Variants in CNTN3 observed in about 807,000 individuals in gnomAD.
CNTN3 encodes the protein contactin-3.
A neutral mutation model predicts 119.1 loss-of-function variants in CNTN3; 60 were observed. The observed-to-expected ratio is 0.50, with a 90% CI of 0.41 to 0.62. The LOEUF (loss-of-function observed/expected upper bound fraction) is 0.62, where lower values mean the gene tolerates loss of function less well. Among genes scored for constraint, CNTN3 ranks in the 20% least tolerant of loss-of-function variants. The pLI is 0.00. For synonymous variants in CNTN3, 450 were observed against 438.7 expected (o/e 1.03, Z -0.32); for missense variants, 1,101 against 1,242.4 (o/e 0.89, Z 1.71).
chr3:74,530,342 C>T (rs1703676407), intron 1 of CNTN3, among the ~76,000 whole-genome samples: 1 of 151,876 alleles, frequency 6.6e-6, no homozygotes, highest in South Asian at 2.1e-4. Flanking sequence ...CCTGCAAAAC[C>T]ATTTGCCTGG....
At chr3:74,320,047 G>A (rs1232409568) in intron 13 of CNTN3, among the ~76,000 whole-genome samples, 1 of 152,150 alleles carries the variant, frequency 6.6e-6, no homozygotes, top group African/African-American at 2.4e-5. Flanking sequence ...TGGAGAAATA[G>A]GAACACTTTG....
At chr3:74,310,101 A>C (rs188745235) in intron 13 of CNTN3, among the ~76,000 whole-genome samples, 5 of 152,186 alleles carry the variant, frequency 3.3e-5, no homozygotes, top group Admixed American at 3.3e-4. Flanking sequence ...ACTTTGAGTA[A>C]AGTTTAACTT....
At chr3:74,316,691 C>T (rs904981851) in intron 13 of CNTN3, among the ~76,000 whole-genome samples, 2 of 151,872 alleles carry the variant, frequency 1.3e-5, no homozygotes, top group Non-Finnish European at 2.9e-5. Flanking sequence ...TTTGGGAGGC[C>T]GAGGTGGGCA....
intron 1 of CNTN3, among the ~76,000 whole-genome samples, chr3:74,577,009 A>C (rs1193024083): frequency 6.6e-6 from 1 of 152,110 alleles, no homozygotes; most frequent in Non-Finnish European, 1.5e-5. Context: ...TTCTTACCAT[A>C]CTTGAGGGTG....
intron 11 of CNTN3, among the ~76,000 whole-genome samples, chr3:74,358,838 C>T (rs1034774780): frequency 6.9e-6 from 1 of 144,834 alleles, no homozygotes; most frequent in African/African-American, 2.6e-5. Context: ...TCAATTCCCA[C>T]CTATGAGTGA....
intron 13 of CNTN3, among the ~76,000 whole-genome samples, chr3:74,320,122 G>C (rs1210412672): frequency 2.6e-5 from 4 of 152,138 alleles, no homozygotes. Flanking sequence ...ATTCCTCAGG[G>C]ATCTAGAACT....
chr3:74,325,453 GA>G (rs1703105092), intron 13 of CNTN3, among the ~76,000 whole-genome samples: 1 of 152,090 alleles, frequency 6.6e-6, no homozygotes, highest in African/African-American at 2.4e-5. Context: ...ATTAATCTGA[GA>G]AATGAGAGGT....
At chr3:74,564,845 CA>C (rs1704203559) in intron 1 of CNTN3, among the ~76,000 whole-genome samples, 1 of 151,934 alleles carries the variant, frequency 6.6e-6, no homozygotes, top group South Asian at 2.1e-4. Context: ...CTACTGCTTG[CA>C]ATTAAGAACT....
chr3:74,518,198 A>G (rs943041865), intron 2 of CNTN3, among the ~76,000 whole-genome samples: 2 of 151,954 alleles, frequency 1.3e-5, no homozygotes, highest in Non-Finnish European at 2.9e-5. Flanking sequence ...AATATCCAAT[A>G]TGCGGAGTAA....
At chr3:74,279,463 A>C (rs1701950936) in intron 20 of CNTN3, among the ~76,000 whole-genome samples, 1 of 152,214 alleles carries the variant, frequency 6.6e-6, no homozygotes, top group Admixed American at 6.5e-5. Context: ...CCCAGCTATA[A>C]AAAGGAATGA....
At chr3:74,570,656 A>G (rs1218079407) in intron 1 of CNTN3, among the ~76,000 whole-genome samples, 1 of 152,084 alleles carries the variant, frequency 6.6e-6, no homozygotes, top group African/African-American at 2.4e-5. Flanking sequence ...ATGCTATGTA[A>G]AATTTTTATG....
intron 4 of CNTN3, among the ~76,000 whole-genome samples, chr3:74,444,438 G>C (rs959164662): frequency 6.6e-6 from 1 of 152,146 alleles, no homozygotes; most frequent in South Asian, 2.1e-4. Flanking sequence ...CAGAGGGCCT[G>C]AGCAGTAGAT....
At chr3:74,269,050 A>AG in intron 20 of CNTN3, among the ~76,000 whole-genome samples, 1 of 54,032 alleles carries the variant, frequency 1.9e-5, no homozygotes, top group Admixed American at 1.7e-4. Flanking sequence ...GACAAAAAGA[A>AG]AAAAAAAAAA....
chr3:74,550,591 T>C (rs1489467746), intron 1 of CNTN3, among the ~76,000 whole-genome samples: 1 of 152,150 alleles, frequency 6.6e-6, no homozygotes, highest in South Asian at 2.1e-4. Flanking sequence ...CAGGCTGGAG[T>C]GCAGTGGTGC....
intron 14 of CNTN3, 69 bp downstream of exon 14, chr3:74,302,621 G>C: frequency 1.1e-6 from 1 of 916,444 alleles, no homozygotes; most frequent in East Asian, 2.4e-5. Flanking sequence ...TCTCATCATG[G>C]TTTTTCCTCC....
chr3:74,272,060 C>T (rs1044569520), intron 20 of CNTN3, among the ~76,000 whole-genome samples: 3 of 152,138 alleles, frequency 2.0e-5, no homozygotes, highest in Admixed American at 6.5e-5. Flanking sequence ...AAACTATAAG[C>T]AGAACACTTA....
At chr3:74,329,709 G>A (rs75097942) in intron 13 of CNTN3, among the ~76,000 whole-genome samples, 3,452 of 152,120 alleles carry the variant, frequency 0.023, 133 homozygotes, top group African/African-American at 0.077. Context: ...TTTTCCTATC[G>A]ATGGATGCTA....
At chr3:74,599,656 T>C (rs1407209875) in intron 1 of CNTN3, among the ~76,000 whole-genome samples, 1 of 152,168 alleles carries the variant, frequency 6.6e-6, no homozygotes, top group Admixed American at 6.5e-5. Flanking sequence ...TAGGTAATAG[T>C]AATAGGATAC....
In CNTN3 at chr3:74,301,314, C is replaced by G. The variant is rs906690145; in HGVS notation, c.2095+84G>C. ...AACAATGGATTATTGAGGCTGACCC[C>G]CTGCTGGCCTGGAGTTCAGGGCCAA... On this transcript the variant is annotated intron_variant, in intron 16 of 22. Coordinates refer to ENST00000263665, the MANE Select transcript of CNTN3 (RefSeq NM_020872.3). The G allele has an allele frequency of 2.2e-6, 3 of 1,367,974 alleles. No homozygotes were observed. In the Admixed American group the frequency reaches 6.1e-5, roughly 28 times the overall value. 84.7% of individuals were successfully genotyped at this position (1,367,974 alleles called of 1,614,324 possible).
Sources: allele counts gnomAD v4.1 joint callset (sites outside exome capture counted in the v4.1 genomes callset), GRCh38; gene constraint gnomAD v4.1.1; transcripts MANE v1.5; gene names NCBI Gene and HGNC (gene_info 2026-07-23, HGNC 2026-07-21).